The following MX1 variants were observed in gnomAD, a reference collection of about 807,000 sequenced individuals.
The protein encoded by MX1 is interferon-induced GTP-binding protein Mx1.
In MX1, 66 loss-of-function variants were observed where a neutral mutation model predicts 66.4. That is an observed-to-expected ratio of 0.99 (90% CI 0.82 to 1.22). MX1 has a LOEUF of 1.22. Ranked by LOEUF, MX1 falls within the 50% of genes most tolerant of loss-of-function variation. The probability of loss-of-function intolerance (pLI) is 0.00; values close to 1 mark genes in which losing one functional copy is unlikely to be tolerated. For synonymous variants in MX1, 311 were observed against 318.1 expected, an observed-to-expected ratio of 0.98 and a Z score of 0.24; for missense variants, 787 against 834.3, an observed-to-expected ratio of 0.94 and a Z score of 0.70.
At chr21:41,421,632 A>G (rs1291112080), upstream of MX1, among the ~76,000 whole-genome samples, 1 of 152,212 alleles carries the variant, frequency 6.6e-6, no homozygotes, top group African/African-American at 2.4e-5. Context: ...TTAACAAAGC[A>G]CATCTTGCAC....
In MX1 at chr21:41,436,998, T is replaced by G. The variant is rs767182695; in HGVS notation, c.299-17T>G. Reference sequence around the variant, plus strand: ...TTAAGAGCAAAGTGGAGCACTGATGTGGGCGTGGCCTCCTAGGGATCGTGA... The same window carrying G: ...TTAAGAGCAAAGTGGAGCACTGATGGGGGCGTGGCCTCCTAGGGATCGTGA... On this transcript the variant is annotated splice_polypyrimidine_tract_variant and intron_variant, in intron 6 of 16. Transcript: ENST00000398598. 16 of 1,613,432 alleles carry G rather than the reference T, an allele frequency of 9.9e-6. No individual in the cohort carries two copies. Among genetic ancestry groups the G allele is most frequent in the Non-Finnish European group, 1.4e-5 (16 of 1,179,670 alleles).
upstream of MX1, among the ~76,000 whole-genome samples, chr21:41,424,061 G>C (rs2090019481): frequency 6.6e-6 from 1 of 152,198 alleles, no homozygotes. Flanking sequence ...GCATCACCCA[G>C]AGTGAAGTCT....
At chr21:41,421,714 A>G (rs1195070046), upstream of MX1, 1 of 153,750 alleles carries the variant, frequency 6.5e-6, no homozygotes, top group Non-Finnish European at 1.4e-5. Context: ...GGGTAAGGTT[A>G]TAGATTAACA....
chr21:41,431,980 G>A (rs2090227027), intron 4 of MX1, 70 bp from the exon 5 acceptor site: 13 of 1,280,574 alleles, frequency 1.0e-5, no homozygotes, highest in Non-Finnish European at 1.4e-5. Context: ...CGTTCTGGTG[G>A]TGGGTTTGGT....
Position 41,452,978 on chromosome 21 carries a change from G to A in MX1, c.1758+109G>A, listed in dbSNP as rs911145858. The A allele has an allele frequency of 4.1e-5, 54 of 1,304,770 alleles. 1 individual carries two copies. The Middle Eastern group carries it at 7.8e-4, about 19-fold the overall frequency. The allele number at this position is 1,304,770 out of a possible 1,614,324, so 80.8% of individuals were successfully genotyped here. Reference sequence around the variant, plus strand: ...GTAGGTGACGTTGGTCAGCTCTGTCGTTTACCTCCTTGTTAGCCTCCTGTA... The same window carrying A: ...GTAGGTGACGTTGGTCAGCTCTGTCATTTACCTCCTTGTTAGCCTCCTGTA... On this transcript the variant is annotated intron_variant, in intron 16 of 16. Coordinates refer to ENST00000398598, the MANE Select transcript of MX1 (RefSeq NM_002462.5).
chr21:41,449,504 A>C (rs1286198330), intron 14 of MX1: 1 of 471,074 alleles, frequency 2.1e-6, no homozygotes, highest in Non-Finnish European at 3.7e-6. Context: ...CCCATAGCTT[A>C]AGGGCTCAGT....
In MX1 at chr21:41,441,690, T is replaced by C. The variant is rs533068914; in HGVS notation, c.731-26T>C. On this transcript the variant is annotated intron_variant, in intron 9 of 16. Transcript: ENST00000398598. The surrounding 1 kb of genome is among the most constrained non-coding windows in gnomAD (Gnocchi z 4.0). ...CTCTGCCTCGTGACTGAGCACGTTC[T>C]CTCCCCAAATACATCTGGCTCGCAG... 7.6e-5 allele frequency: 122 copies of C among 1,613,400 alleles called. 2 individuals carry two copies. The South Asian group carries it at 1.3e-3, about 17-fold the overall frequency.
At chr21:41,453,302 G>T (rs468161) in intron 16 of MX1, among the ~76,000 whole-genome samples, 91,627 of 152,008 alleles carry the variant, frequency 0.6, 28,818 homozygotes, top group Non-Finnish European at 0.7. Flanking sequence ...TCCCACAACA[G>T]GTGGGAATTA....
At chr21:41,433,526 A>G (rs2090280328) in intron 5 of MX1, among the ~76,000 whole-genome samples, 1 of 152,262 alleles carries the variant, frequency 6.6e-6, no homozygotes, top group Admixed American at 6.5e-5. Context: ...CATCAAATGA[A>G]CAACGTTGAA....
At position 41,435,891 on chromosome 21, in the gene MX1, G is replaced by T. The variant is rs368357662; in HGVS notation, c.160G>T (p.Asp54Tyr). 14 of 1,614,040 alleles carry T rather than the reference G, an allele frequency of 8.7e-6. No individual in the cohort carries two copies. Among genetic ancestry groups the T allele is most frequent in the Non-Finnish European group, 1.2e-5 (14 of 1,180,032 alleles). ...TGAGGAGAAGGTGCGCCCCTGCATC[G>T]ACCTCATTGACTCCCTGCGGGCTCT... ...QYEEKVRPCI[D>Y]LIDSLRALGV... is the part of the protein sequence containing the mutation. Residue 54 changes from aspartate (D) to tyrosine (Y), a missense_variant, in exon 6 of 17, where the codon GAC (aspartate) becomes TAC (tyrosine). Physicochemically the swap from Asp to Tyr is radical, Grantham distance 160. Coordinates refer to ENST00000398598, the MANE Select transcript of MX1 (RefSeq NM_002462.5).
At position 41,436,080 on chromosome 21, in the gene MX1, C is replaced by T. The variant is rs113521998; in HGVS notation, c.298+51C>T. 5,812 of 1,587,906 alleles carry T rather than the reference C, an allele frequency of 3.7e-3. 175 individuals are homozygous for T. The African/African-American group carries it at 0.063, about 17-fold the overall frequency. ...CTGCTCAGGCTGCCATAACAAAATA[C>T]CACAGACAGGGTGGCTTATACAACA... On this transcript the variant is annotated intron_variant, in intron 6 of 16. Transcript: ENST00000398598.
intron 16 of MX1, among the ~76,000 whole-genome samples, chr21:41,454,763 G>A (rs1022834341): frequency 6.6e-6 from 1 of 152,058 alleles, no homozygotes; most frequent in South Asian, 2.1e-4. Flanking sequence ...GTAATCTCTC[G>A]GTTTATCAGA....
At chr21:41,452,940 T>C in intron 16 of MX1, 71 bp downstream of exon 16, 1 of 1,563,208 alleles carries the variant, frequency 6.4e-7, no homozygotes, top group South Asian at 1.2e-5. Context: ...CTCTCTTTAG[T>C]CTTGCTCTCT....
intron 13 of MX1, among the ~76,000 whole-genome samples, chr21:41,446,701 A>G (rs1323218655): frequency 6.6e-6 from 1 of 152,246 alleles, no homozygotes; most frequent in Non-Finnish European, 1.5e-5. Flanking sequence ...GTGAAGTGCA[A>G]TAAAACAAGA....
intron 6 of MX1, among the ~76,000 whole-genome samples, chr21:41,436,781 C>T (rs1034475955): frequency 1.3e-5 from 2 of 152,188 alleles, no homozygotes; most frequent in Admixed American, 6.5e-5. Flanking sequence ...AAAGTGGTGG[C>T]TTTCAAGCGT....
At chr21:41,439,657 C>T in intron 7 of MX1, 37 bp from the exon 8 acceptor site, 2 of 1,603,782 alleles carry the variant, frequency 1.2e-6, no homozygotes, top group Non-Finnish European at 1.7e-6. Flanking sequence ...TTATCCTAAG[C>T]TCTGTTTGGG....
At chr21:41,455,185 C>T (rs529811085) in intron 16 of MX1, among the ~76,000 whole-genome samples, 130 of 152,322 alleles carry the variant, frequency 8.5e-4, no homozygotes, top group Non-Finnish European at 1.6e-3. Context: ...GCTGGGATTA[C>T]AGGCGTGAGC....
intron 15 of MX1, 147 bp from the exon 16 acceptor site, chr21:41,452,474 C>A: frequency 1.2e-6 from 1 of 861,812 alleles, no homozygotes; most frequent in Non-Finnish European, 1.7e-6. Context: ...TTAGATACAC[C>A]AGGGCGCGGC....
intron 16 of MX1, among the ~76,000 whole-genome samples, chr21:41,458,086 C>T (rs2090999134): frequency 6.6e-6 from 1 of 152,174 alleles, no homozygotes; most frequent in African/African-American, 2.4e-5. Flanking sequence ...TCACTGCAGC[C>T]TCCCCCTGCC....
Sources: gnomAD v4.1 joint callset for allele counts (sites outside exome capture counted in the v4.1 genomes callset) on GRCh38, gnomAD v4.1.1 for gene constraint, Gnocchi (gnomAD v3.1) non-coding constraint, MANE v1.5 for transcripts, NCBI Gene and HGNC (gene_info 2026-07-23, HGNC 2026-07-21) for gene names.